The following MSRA variants were observed in gnomAD, a reference collection of about 807,000 sequenced individuals.
The protein encoded by MSRA is methionine sulfoxide reductase A, also known as mitochondrial peptide methionine sulfoxide reductase.
In MSRA, 54 loss-of-function variants were observed where a neutral mutation model predicts 31.3. The ratio of observed to expected loss-of-function variants is 1.73; its 90% CI spans 1.39 to 2.17. MSRA has a LOEUF of 2.17. Among genes scored for constraint, MSRA ranks in the 30% most tolerant of loss-of-function variants. The pLI is 0.00. For synonymous variants in MSRA, 169 were observed against 116.5 expected, an observed-to-expected ratio of 1.45 and a Z score of -2.90; for missense variants, 507 against 300.9, an observed-to-expected ratio of 1.69 and a Z score of -5.07.
At chr8:10,325,171 A>T (rs958536748) in intron 5 of MSRA, among the ~76,000 whole-genome samples, 3 of 152,184 alleles carry the variant, frequency 2.0e-5, no homozygotes, top group African/African-American at 7.2e-5. Context: ...AGCTGACTGC[A>T]ATGGCTCAGG....
chr8:10,164,545 A>G (rs28698174), intron 1 of MSRA, among the ~76,000 whole-genome samples: 18,209 of 152,254 alleles, frequency 0.12, 2,587 homozygotes, highest in African/African-American at 0.34. Context: ...TATTTAATAA[A>G]CAACCCAATG....
chr8:10,142,967 C>A (rs1482369891), intron 1 of MSRA, among the ~76,000 whole-genome samples: 1 of 152,036 alleles, frequency 6.6e-6, no homozygotes, highest in East Asian at 1.9e-4. Context: ...TTTCCCAGTT[C>A]CCACCCTGAT....
rs113635884 is a variant in MSRA at position 10,301,523 on chromosome 8, T to C, written c.332-11T>C. The C allele has an allele frequency of 4.7e-5, 76 of 1,605,480 alleles. 3 individuals are homozygous for C. In the African/African-American group the frequency reaches 6.8e-4, roughly 14 times the overall value. On this transcript the variant is annotated splice_polypyrimidine_tract_variant and intron_variant, in intron 3 of 5. Transcript: ENST00000317173. ...CAGTAAATTTCGGTTGTACGTTTTG[T>C]TTTTTCCAAGAAAAAACTGGCCATG... is the stretch of plus-strand genomic sequence containing the variant.
intron 5 of MSRA, among the ~76,000 whole-genome samples, chr8:10,325,461 G>T (rs548078666): frequency 7.8e-4 from 118 of 152,078 alleles, no homozygotes; most frequent in African/African-American, 2.7e-3. Flanking sequence ...TAGATCTTAG[G>T]TGTTTATCTG....
chr8:10,194,401 A>G (rs1807794398), intron 1 of MSRA, among the ~76,000 whole-genome samples: 1 of 152,106 alleles, frequency 6.6e-6, no homozygotes, highest in African/African-American at 2.4e-5. Context: ...ACCTGTCTCT[A>G]CTAAAAGTAC....
Position 10,158,378 on chromosome 8 carries a change from C to T in MSRA, c.143-49455C>T, listed in dbSNP as rs147950010. 1.7e-3 allele frequency among the ~76,000 whole-genome samples: 256 copies of T among 152,340 alleles called. 2 individuals carry two copies. The highest frequency in any genetic ancestry group is 5.8e-3 in the African/African-American group (242 of 41,588). On this transcript the variant is annotated intron_variant, in intron 1 of 5. Coordinates refer to ENST00000317173, the MANE Select transcript of MSRA (RefSeq NM_012331.5). ...AGCTGTCAGCAGACATTCCTCACTT[C>T]TTCCCAACACTCCCCCAGCTATCGG...
intron 5 of MSRA, among the ~76,000 whole-genome samples, chr8:10,375,581 A>G (rs1157984314): frequency 1.3e-5 from 2 of 152,158 alleles, no homozygotes; most frequent in East Asian, 3.9e-4. Flanking sequence ...CAGGGAGTCA[A>G]GGATTCGAGG....
At chr8:10,190,591 C>T (rs957492473) in intron 1 of MSRA, among the ~76,000 whole-genome samples, 1 of 152,194 alleles carries the variant, frequency 6.6e-6, no homozygotes, top group Non-Finnish European at 1.5e-5. Flanking sequence ...GTCTGTCTTC[C>T]TTGGGCACTT....
intron 1 of MSRA, among the ~76,000 whole-genome samples, chr8:10,130,848 C>G (rs1801842264): frequency 6.6e-6 from 1 of 152,170 alleles, no homozygotes; most frequent in African/African-American, 2.4e-5. Flanking sequence ...TGAGGGCACA[C>G]AGAAAGCTAA....
At chr8:10,423,071 C>A (rs1235161966) in intron 5 of MSRA, among the ~76,000 whole-genome samples, 6 of 152,156 alleles carry the variant, frequency 3.9e-5, no homozygotes, top group African/African-American at 7.2e-5. Flanking sequence ...CCTAAAGATT[C>A]AGTAGGTGAT....
intron 4 of MSRA, among the ~76,000 whole-genome samples, chr8:10,318,150 G>A (rs1380912862): frequency 1.3e-5 from 2 of 152,198 alleles, no homozygotes; most frequent in Non-Finnish European, 2.9e-5. Flanking sequence ...ATCCATTTTG[G>A]AAGGAGAAAG....
chr8:10,099,308 G>A (rs551838761), intron 1 of MSRA, among the ~76,000 whole-genome samples: 1 of 152,296 alleles, frequency 6.6e-6, no homozygotes, highest in East Asian at 1.9e-4. Flanking sequence ...GATGAGGAGT[G>A]TCTCAGCCGT....
At chr8:10,336,062 G>C (rs1218556144) in intron 5 of MSRA, among the ~76,000 whole-genome samples, 1 of 152,130 alleles carries the variant, frequency 6.6e-6, no homozygotes, top group Admixed American at 6.5e-5. Context: ...ATGGGCTCTA[G>C]GAGGAAGATC....
intron 4 of MSRA, among the ~76,000 whole-genome samples, chr8:10,319,086 T>TA (rs1341919490): frequency 2.6e-5 from 4 of 152,168 alleles, no homozygotes; most frequent in African/African-American, 9.7e-5. Flanking sequence ...GCATTTTTTT[T>TA]AACCTGCACA....
intron 5 of MSRA, chr8:10,411,627 C>T (rs1345382438): frequency 1.3e-5 from 2 of 152,216 alleles, no homozygotes; most frequent in Non-Finnish European, 2.9e-5. Context: ...ACAGATGTAA[C>T]CTGCCCTAGG....
intron 3 of MSRA, among the ~76,000 whole-genome samples, chr8:10,248,087 A>C (rs985634901): frequency 1.3e-5 from 2 of 152,160 alleles, no homozygotes; most frequent in Non-Finnish European, 2.9e-5. Context: ...AAGGAAAATA[A>C]ACAAACAAAC....
At chr8:10,292,100 C>T (rs1230392644) in intron 3 of MSRA, among the ~76,000 whole-genome samples, 6 of 152,180 alleles carry the variant, frequency 3.9e-5, no homozygotes. Context: ...CCTTTCTCTG[C>T]ATAGTAGCCA....
At chr8:10,109,368 G>T (rs1182015574) in intron 1 of MSRA, among the ~76,000 whole-genome samples, 1 of 150,494 alleles carries the variant, frequency 6.6e-6, no homozygotes, top group East Asian at 1.9e-4. Flanking sequence ...TGGAGATGGG[G>T]TCTTACTCTG....
At chr8:10,130,965 A>C (rs116968984) in intron 1 of MSRA, among the ~76,000 whole-genome samples, 149 of 152,338 alleles carry the variant, frequency 9.8e-4, no homozygotes, top group Non-Finnish European at 1.7e-3. Context: ...GTGTGCTTTT[A>C]TTAGCAAGCT....
Sources: allele counts gnomAD v4.1 joint callset (sites outside exome capture counted in the v4.1 genomes callset), GRCh38; gene constraint gnomAD v4.1.1; transcripts MANE v1.5; gene names NCBI Gene and HGNC (gene_info 2026-07-23, HGNC 2026-07-21).